The following SPAST variants were observed in gnomAD, a reference collection of about 807,000 sequenced individuals.
The protein encoded by SPAST is spastin, also known as spastic paraplegia 4 (autosomal dominant; spastin).
SPAST carries 30 observed loss-of-function variants against 76.6 expected under a neutral mutation model. That is an observed-to-expected ratio of 0.39 (90% CI 0.29 to 0.53). The LOEUF (loss-of-function observed/expected upper bound fraction) is 0.53. Among genes scored for constraint, SPAST ranks in the 20% least tolerant of loss-of-function variants. SPAST has a pLI of 0.68. For synonymous variants in SPAST, 305 were observed against 281.0 expected (o/e 1.09, Z -0.86); for missense variants, 717 against 770.5 (o/e 0.93, Z 0.82).
intron 4 of SPAST, among the ~76,000 whole-genome samples, chr2:32,111,185 GTGTGTATAGAGTATATATACAGTATACTA>G (rs1678577513): frequency 8.4e-6 from 1 of 119,152 alleles, no homozygotes; most frequent in Non-Finnish European, 1.7e-5. Context: ...ATACTATATA[GTGTGTATAGAGTATATATACAGTATACTA>G]TATAGTGTGT....
At chr2:32,101,615 A>AT (rs1379919974) in intron 4 of SPAST, among the ~76,000 whole-genome samples, 1 of 152,184 alleles carries the variant, frequency 6.6e-6, no homozygotes, top group Non-Finnish European at 1.5e-5. Flanking sequence ...TAGAACTAAC[A>AT]TTTAAGTCTT....
intron 1 of SPAST, among the ~76,000 whole-genome samples, chr2:32,077,669 T>G (rs1275566508): frequency 6.6e-6 from 1 of 152,210 alleles, no homozygotes; most frequent in East Asian, 1.9e-4. Context: ...ATCCTCTCAC[T>G]CTACCCCAAG....
At chr2:32,089,947 G>T (rs561261950) in intron 3 of SPAST, among the ~76,000 whole-genome samples, 2 of 152,272 alleles carry the variant, frequency 1.3e-5, no homozygotes, top group East Asian at 3.9e-4. Context: ...TGTAGTTTTA[G>T]TAGAGACAGG....
chr2:32,128,729 T>TAA (rs1483567774), intron 9 of SPAST: 2 of 481,632 alleles, frequency 4.2e-6, no homozygotes, highest in Non-Finnish European at 7.5e-6. Context: ...CATCAGCAAT[T>TAA]TATTGTCTCA....
intron 12 of SPAST, among the ~76,000 whole-genome samples, chr2:32,139,121 T>C (rs1234927982): frequency 6.6e-6 from 1 of 152,250 alleles, no homozygotes; most frequent in Non-Finnish European, 1.5e-5. Context: ...TTGCTTAGGA[T>C]TGCTTTGTCT....
intron 16 of SPAST, among the ~76,000 whole-genome samples, chr2:32,150,067 C>CT (rs1680025752): frequency 7.4e-6 from 1 of 135,636 alleles, no homozygotes; most frequent in Non-Finnish European, 1.6e-5. Context: ...AGTTTTCTTT[C>CT]TTTCTTTTTT....
In SPAST at chr2:32,156,680, G is replaced by T. The variant is rs1680265137; in HGVS notation, c.*2184G>T. ...TAAAAGATTAACGTTATTGATACTT[G>T]GATAACTGGCTAATCATATTAAAGG... is the stretch of plus-strand genomic sequence containing the variant. On this transcript the variant is annotated 3_prime_UTR_variant, in exon 17 of 17. Transcript: ENST00000315285. The T allele has an allele frequency of 6.6e-6, 1 of 152,004 alleles. No individual in the cohort carries two copies. Among genetic ancestry groups the T allele is most frequent in the Non-Finnish European group, 1.5e-5 (1 of 67,988 alleles). 9.4% of individuals were successfully genotyped at this position (152,004 alleles called of 1,614,324 possible).
chr2:32,135,831 T>C (rs1284662088), intron 9 of SPAST, among the ~76,000 whole-genome samples: 2 of 152,148 alleles, frequency 1.3e-5, no homozygotes, highest in Non-Finnish European at 2.9e-5. Flanking sequence ...TTGGAAACAT[T>C]ATTCAGAAGG....
intron 4 of SPAST, among the ~76,000 whole-genome samples, chr2:32,110,705 A>G (rs1474700944): frequency 7.2e-6 from 1 of 139,212 alleles, no homozygotes; most frequent in Admixed American, 7.5e-5. Context: ...TATAGTGTAC[A>G]TAGTATACTA....
intron 9 of SPAST, among the ~76,000 whole-genome samples, chr2:32,136,357 C>A (rs1679536104): frequency 6.6e-6 from 1 of 152,098 alleles, no homozygotes; most frequent in Non-Finnish European, 1.5e-5. Context: ...ATTTTTAAAG[C>A]ACTTAACCAG....
At chr2:32,116,072 C>T (rs768986765) in intron 6 of SPAST, 47 bp from the exon 7 acceptor site, 1 of 1,343,680 alleles carries the variant, frequency 7.4e-7, no homozygotes, top group Non-Finnish European at 1.1e-6. Context: ...CTTGTAATAA[C>T]TGGGCCCTGT....
At position 32,083,673 on chromosome 2, in the gene SPAST, ATATT is replaced by A. The variant is rs1248003124; in HGVS notation, c.416-3817_416-3814del. Among the ~76,000 whole-genome samples, 148 of 119,704 alleles carry A rather than the reference ATATT, an allele frequency of 1.2e-3. 1 individual carries two copies. Among genetic ancestry groups the A allele is most frequent in the Middle Eastern group, 8.8e-3 (2 of 228 alleles). 78.5% of individuals were successfully genotyped at this position (119,704 alleles called of 152,430 possible). On this transcript the variant is annotated intron_variant, in intron 1 of 16. Coordinates refer to ENST00000315285, the MANE Select transcript of SPAST (RefSeq NM_014946.4). ...CTGCCTACTATATATATATATATAT[ATATT>A]TTTATGCTATATATAGAGTATATAT...
At chr2:32,115,879 T>C in intron 6 of SPAST, 44 bp downstream of exon 6, 1 of 1,465,614 alleles carries the variant, frequency 6.8e-7, no homozygotes, top group Non-Finnish European at 9.4e-7. Context: ...GTTTTTATAT[T>C]TTAATTTTAC....
At chr2:32,082,513 A>G (rs1027799992) in intron 1 of SPAST, among the ~76,000 whole-genome samples, 12 of 152,074 alleles carry the variant, frequency 7.9e-5, no homozygotes, top group Non-Finnish European at 5.9e-5. Flanking sequence ...CCTGACCAAC[A>G]TGGAGAAACT....
intron 3 of SPAST, among the ~76,000 whole-genome samples, chr2:32,095,363 G>A (rs1677877841): frequency 6.6e-6 from 1 of 151,954 alleles, no homozygotes; most frequent in South Asian, 2.1e-4. Context: ...TGACAAAGCT[G>A]GTTAAAGAAA....
At chr2:32,141,484 CCTTT>C (rs1489558760) in intron 12 of SPAST, among the ~76,000 whole-genome samples, 1 of 152,154 alleles carries the variant, frequency 6.6e-6, no homozygotes, top group Non-Finnish European at 1.5e-5. Flanking sequence ...TGTGTGTCTT[CCTTT>C]GTCAGTGTAA....
At chr2:32,090,993 T>C (rs1677691566) in intron 3 of SPAST, among the ~76,000 whole-genome samples, 1 of 152,072 alleles carries the variant, frequency 6.6e-6, no homozygotes, top group Non-Finnish European at 1.5e-5. Flanking sequence ...TCAGCATTCA[T>C]CAACTGTAAT....
At chr2:32,100,220 T>C (rs185949811) in intron 4 of SPAST, among the ~76,000 whole-genome samples, 2 of 152,236 alleles carry the variant, frequency 1.3e-5, no homozygotes, top group East Asian at 3.9e-4. Flanking sequence ...TGGGGTAAGA[T>C]ACCTTGTTGT....
intron 1 of SPAST, among the ~76,000 whole-genome samples, chr2:32,076,804 T>C (rs908904981): frequency 2.0e-5 from 3 of 152,052 alleles, no homozygotes; most frequent in African/African-American, 4.8e-5. Context: ...TTAAGTGATC[T>C]TCCCACTTCA....
Sources: allele counts gnomAD v4.1 joint callset (sites outside exome capture counted in the v4.1 genomes callset), GRCh38; gene constraint gnomAD v4.1.1; transcripts MANE v1.5; gene names NCBI Gene and HGNC (gene_info 2026-07-23, HGNC 2026-07-21).